The following EPN3 variants were observed in gnomAD, a reference collection of about 807,000 sequenced individuals.
EPN3 encodes the protein epsin-3.
EPN3 carries 56 observed loss-of-function variants against 55.5 expected under a neutral mutation model. That is an observed-to-expected ratio of 1.01 (90% CI 0.81 to 1.26). The LOEUF (loss-of-function observed/expected upper bound fraction) is 1.26, where lower values mean the gene tolerates loss of function less well. EPN3 is among the 50% of genes most tolerant of loss of function. The pLI, the probability that EPN3 is intolerant of heterozygous loss-of-function variation, is 0.00. For missense variants in EPN3, 927 were observed against 853.4 expected, an observed-to-expected ratio of 1.09 and a Z score of -1.07; for synonymous variants, 449 against 375.2, an observed-to-expected ratio of 1.20 and a Z score of -2.27.
intron 2 of EPN3, 126 bp downstream of exon 2, chr17:50,537,244 A>C (rs2034777867): frequency 1.9e-6 from 2 of 1,027,268 alleles, no homozygotes; most frequent in Non-Finnish European, 2.8e-6. Flanking sequence ...AGACATAAGG[A>C]ATGTAACACG....
intron 1 of EPN3, among the ~76,000 whole-genome samples, chr17:50,533,949 G>A (rs2034719634): frequency 6.6e-6 from 1 of 152,212 alleles, no homozygotes; most frequent in Non-Finnish European, 1.5e-5. Flanking sequence ...CTTATCGGCC[G>A]CTGGGTTTCT....
intron 1 of EPN3, among the ~76,000 whole-genome samples, chr17:50,533,812 C>T (rs1183000358): frequency 2.0e-5 from 3 of 151,756 alleles, no homozygotes; most frequent in African/African-American, 4.8e-5. Flanking sequence ...TCTGCCCTCT[C>T]GTCATCTCTG....
chr17:50,542,049 C>T lies in EPN3; in HGVS notation c.1791C>T (p.Ser597=). The change falls in exon 10 of 10, where the codon AGC becomes AGT. Residue 597 remains serine (S), a synonymous_variant. Transcript: ENST00000268933. ...GCTTGACCCTCCCCGCCTCGGTTAG[C>T]GTCTTCCCGCAGGCCGGAGCCTTCG... ...PAGLTLPASV[S]VFPQAGAFAP... The T allele has an allele frequency of 1.9e-6, 3 of 1,594,148 alleles. No homozygotes were observed. The South Asian group carries it at 3.3e-5, about 18-fold the overall frequency.
At chr17:50,539,919 G>C (rs2034821652) in intron 5 of EPN3, among the ~76,000 whole-genome samples, 1 of 152,146 alleles carries the variant, frequency 6.6e-6, no homozygotes, top group Non-Finnish European at 1.5e-5. Context: ...GCCCCTTTCT[G>C]CTGGCCTGGA....
At position 50,541,696 on chromosome 17, in the gene EPN3, T is replaced by C. The variant is rs148199218; in HGVS notation, c.1585+2T>C. On this transcript the variant is annotated splice_donor_variant, in intron 9 of 9. Transcript: ENST00000268933. LOFTEE classifies it high-confidence loss of function. The stretch of plus-strand genomic sequence containing the variant: ...AGACCCGGAACCCCTTCCTGACAGG[T>C]AAGATATGCCCTTGTCCCTCAACCC... The C allele has an allele frequency of 9.9e-6, 16 of 1,613,618 alleles. No homozygotes were observed. Among genetic ancestry groups the C allele is most frequent in the African/African-American group, 1.3e-5 (1 of 74,892 alleles).
At chr17:50,534,081 TTC>T (rs566951414) in intron 1 of EPN3, among the ~76,000 whole-genome samples, 414 of 32,502 alleles carry the variant, frequency 0.013, no homozygotes, top group Non-Finnish European at 0.017. Flanking sequence ...TCCTCCTCCC[TTC>T]TCTGCGCTTG....
At position 50,536,747 on chromosome 17, in the gene EPN3, T is replaced by C; in HGVS notation, c.191T>C (p.Leu64Pro). ...TEVMGMLWRRLNDSGKNWRHV... is the reference protein window; with the variant it reads ...TEVMGMLWRRPNDSGKNWRHV... ...GTCATGGGCATGCTGTGGCGGCGGCTCAATGACAGCGGCAAGAACTGGCGG... is the reference window on the plus strand; with the variant it reads ...GTCATGGGCATGCTGTGGCGGCGGCCCAATGACAGCGGCAAGAACTGGCGG... The change falls in exon 2 of 10, where the codon CTC becomes CCC. Residue 64 changes from leucine to proline, a missense_variant. Physicochemically the swap from Leu to Pro is moderately conservative, Grantham distance 98 (BLOSUM62 -3). Transcript: ENST00000268933. The C allele has an allele frequency of 1.2e-6, 2 of 1,614,100 alleles. No individual in the cohort carries two copies. The highest frequency in any genetic ancestry group is 1.7e-6 in the Non-Finnish European group (2 of 1,180,016).
chr17:50,540,293 C>T lies in EPN3; in HGVS notation c.938C>T (p.Pro313Leu), dbSNP rs142210765. ...GACATCTTCGTACCTGCCCTGGCCC[C>T]GCCCTCCACACACTGCTCTGCTGAC... Reference protein sequence around the residue: ...LADIFVPALAPPSTHCSADPW... With the variant: ...LADIFVPALALPSTHCSADPW... The change falls in exon 6 of 10, where the codon CCG becomes CTG. Residue 313 changes from proline to leucine, a missense_variant. Physicochemically the swap from Pro to Leu is moderately conservative, Grantham distance 98. Transcript: ENST00000268933. 3.6e-5 allele frequency: 58 copies of T among 1,612,688 alleles called. No homozygotes were observed. In the African/African-American group the frequency reaches 5.6e-4, roughly 16 times the overall value.
chr17:50,538,194 G>A lies in EPN3; in HGVS notation c.678G>A (p.Glu226=). The A allele has an allele frequency of 6.2e-7, 1 of 1,609,562 alleles. No homozygotes were observed. The highest frequency in any genetic ancestry group is 1.1e-5 in the South Asian group (1 of 91,036). ...TCGCCATGAGCCGTGAGGAGGCAGA[G>A]AAGGTGAGGCCATGCAGCCCCACTG... ...LALAMSREEA[E]KPVPPASHRD... Residue 226 remains glutamate, a synonymous_variant, in exon 3 of 10, where the codon GAG becomes GAA. Transcript: ENST00000268933.
At position 50,541,236 on chromosome 17, in the gene EPN3, C is replaced by T. The variant is rs568759837; in HGVS notation, c.1257C>T (p.Ala419=). The T allele has an allele frequency of 3.1e-6, 5 of 1,613,778 alleles. No homozygotes were observed. In the South Asian group the frequency reaches 5.5e-5, roughly 18 times the overall value. The change falls in exon 8 of 10, where the codon GCC becomes GCT. Residue 419 remains alanine, a synonymous_variant. Transcript: ENST00000268933. ...TCCTCTCTCTCTTCCGAGGTGGTGC[C>T]TCGACCTTTGACCCATTTGCCAAAC... ...SLETSDTPGG[A]STFDPFAKPP...
chr17:50,542,235 G>A lies in EPN3; in HGVS notation c.*78G>A. 1 of 1,377,312 alleles carries A rather than the reference G, an allele frequency of 7.3e-7. No individual in the cohort carries two copies. The highest frequency in any genetic ancestry group is 9.3e-7 in the Non-Finnish European group (1 of 1,071,180). The allele number at this position is 1,377,312 out of a possible 1,614,324, so 85.3% of individuals were successfully genotyped here. On this transcript the variant is annotated 3_prime_UTR_variant, in exon 10 of 10. Coordinates refer to ENST00000268933, the MANE Select transcript of EPN3 (RefSeq NM_017957.3). Reference sequence around the variant, plus strand: ...CGCCTCCGGACCCGGGGCTGGGCGGGGCGCCGGTGCTAGTGGAACGCCGAG... The same window carrying A: ...CGCCTCCGGACCCGGGGCTGGGCGGAGCGCCGGTGCTAGTGGAACGCCGAG...
In EPN3 at chr17:50,541,507, T is replaced by C. The variant is rs1347267018; in HGVS notation, c.1398T>C (p.Asn466=). The C allele has an allele frequency of 1.2e-6, 2 of 1,613,978 alleles. No homozygotes were observed. Among genetic ancestry groups the C allele is most frequent in the South Asian group, 1.1e-5 (1 of 91,090 alleles). The part of the protein sequence containing the change: ...FGDPSPSSKQ[N]GTKEPDALDL... ...ACCCCAGCCCCAGTTCCAAGCAAAA[T>C]GGCACGAAGGAGCCAGATGCCCTGG... The change falls in exon 9 of 10, where the codon AAT becomes AAC. Residue 466 remains asparagine, a synonymous_variant. Coordinates refer to ENST00000268933, the MANE Select transcript of EPN3 (RefSeq NM_017957.3).
rs777135022 is a variant in EPN3, at chr17:50,538,173, C to T, written c.657C>T (p.Ala219=). 6.2e-7 allele frequency: 1 copy of T among 1,612,430 alleles called. No homozygotes were observed. The highest frequency in any genetic ancestry group is 8.5e-7 in the Non-Finnish European group (1 of 1,179,974). The change falls in exon 3 of 10, where the codon GCC becomes GCT. Residue 219 remains alanine, a synonymous_variant. Transcript: ENST00000268933. The part of the protein sequence containing the change: ...EEELQLQLAL[A]MSREEAEKPV... ...AACTGCAGCTGCAGCTGGCCCTCGC[C>T]ATGAGCCGTGAGGAGGCAGAGAAGG...
At chr17:50,539,067 G>T in intron 4 of EPN3, 103 bp downstream of exon 4, 1 of 1,548,104 alleles carries the variant, frequency 6.5e-7, no homozygotes, top group Non-Finnish European at 8.8e-7. Flanking sequence ...TGGCCCTGCT[G>T]CTCCTAACCT....
intron 1 of EPN3, among the ~76,000 whole-genome samples, chr17:50,535,807 A>T (rs1022193761): frequency 2.0e-5 from 3 of 152,190 alleles, no homozygotes; most frequent in African/African-American, 7.2e-5. Flanking sequence ...AAAATTAACA[A>T]TATGAGAAAA....
At chr17:50,537,210 CT>C (rs1182231222) in intron 2 of EPN3, 92 bp downstream of exon 2, 2 of 1,264,712 alleles carry the variant, frequency 1.6e-6, no homozygotes, top group Non-Finnish European at 2.1e-6. Context: ...TAATACCTAC[CT>C]CCGAGGGGTG....
At chr17:50,540,684 T>C in intron 6 of EPN3, 109 bp from the exon 7 acceptor site, 1 of 1,411,814 alleles carries the variant, frequency 7.1e-7, no homozygotes, top group Non-Finnish European at 9.6e-7. Context: ...CTGCAGGCCA[T>C]CTGTGACATG....
In EPN3 at chr17:50,542,953, C is replaced by CTCTCTGTCACAAAGTCACA. The variant is rs1408959947; in HGVS notation, c.*796_*797insTCTCTGTCACAAAGTCACA. The CTCTCTGTCACAAAGTCACA allele has an allele frequency of 4.6e-5, 7 of 152,222 alleles. No homozygotes were observed. The highest frequency in any genetic ancestry group is 1.7e-4 in the African/African-American group (7 of 41,454). The allele number at this position is 152,222 out of a possible 1,614,324, so 9.4% of individuals were successfully genotyped here. On this transcript the variant is annotated 3_prime_UTR_variant, in exon 10 of 10. Coordinates refer to ENST00000268933, the MANE Select transcript of EPN3 (RefSeq NM_017957.3). ...ACCGTGGCTCAGAGAGGTTGAATGG[C>CTCTCTGTCACAAAGTCACA]ATGCTCAAAGTCACAAAGCTGGCAT...
Position 50,532,985 on chromosome 17 carries a change from G to A in EPN3, c.-137G>A. 7.8e-7 allele frequency: 1 copy of A among 1,284,400 alleles called. No homozygotes were observed. The highest frequency in any genetic ancestry group is 1.5e-5 in the African/African-American group (1 of 65,638). The allele number at this position is 1,284,400 out of a possible 1,614,324, so 79.6% of individuals were successfully genotyped here. A position where few individuals can be genotyped will look rare whatever the true frequency, so the allele number is the denominator to read the frequency against. On this transcript the variant is annotated splice_region_variant and 5_prime_UTR_variant, in exon 1 of 10. Transcript: ENST00000268933. ...TGGGGCCGAGGGAGCCCGCACTGGA[G>A]GTAAGCTTCCTCCCTGGCCCCCTCC...
Sources: gnomAD v4.1 joint callset for allele counts (sites outside exome capture counted in the v4.1 genomes callset) on GRCh38, gnomAD v4.1.1 for gene constraint, MANE v1.5 for transcripts, NCBI Gene and HGNC (gene_info 2026-07-23, HGNC 2026-07-21) for gene names.